The following HMX1 variants were observed in gnomAD, a reference collection of about 807,000 sequenced individuals.
The protein encoded by HMX1 is H6 family homeobox 1, also known as homeobox protein HMX1.
In HMX1, 8 loss-of-function variants were observed where a neutral mutation model predicts 8.9. The observed-to-expected ratio is 0.90, with a 90% CI of 0.53 to 1.63. The LOEUF (loss-of-function observed/expected upper bound fraction) is 1.63. Ranked by LOEUF, HMX1 falls within the 40% of genes most tolerant of loss-of-function variation. The pLI, the probability that HMX1 is intolerant of heterozygous loss-of-function variation, is 0.00. For synonymous variants in HMX1, 311 were observed against 283.4 expected (o/e 1.10, Z -0.98); for missense variants, 621 against 558.5 (o/e 1.11, Z -1.13).
rs537401013 is a variant in HMX1 at position 8,847,948 on chromosome 4, C to T, written c.395-1624G>A. On this transcript the variant is annotated intron_variant, in intron 1 of 1. Transcript: ENST00000506970. This position sits in a 1 kb window ranked among gnomAD's most constrained non-coding sequence, Gnocchi z 6.0. The stretch of plus-strand genomic sequence containing the variant: ...CCCTATACTCCAGGCTTTACGGTAA[C>T]TGGAACAGGCTCCGACTCCCTGGAG... 5.9e-5 allele frequency among the ~76,000 whole-genome samples: 9 copies of T among 152,282 alleles called. No individual in the cohort carries two copies. The South Asian group carries it at 1.2e-3, about 21-fold the overall frequency.
At chr4:8,846,141 C>T (rs562712085) in exon 2 of HMX1, 158 of 838,926 alleles carry the variant, frequency 1.9e-4, no homozygotes, top group African/African-American at 1.8e-3. Context: ...CACTGCTCCA[C>T]GCGGTCACTC....
rs918902212 is a variant in HMX1, at chr4:8,847,002, A to G, written c.395-678T>C. On this transcript the variant is annotated intron_variant, in intron 1 of 1. Transcript: ENST00000506970. This position sits in a 1 kb window ranked among gnomAD's most constrained non-coding sequence, Gnocchi z 6.0. The stretch of plus-strand genomic sequence containing the variant: ...TAGGGGTTCCCTGTGTGCAAAAGTG[A>G]CATGGGACACGGAAATGACTATGAC... Among the ~76,000 whole-genome samples, 3 of 152,214 alleles carry G rather than the reference A, an allele frequency of 2.0e-5. No homozygotes were observed. Among genetic ancestry groups the G allele is most frequent in the Non-Finnish European group, 4.4e-5 (3 of 68,044 alleles).
downstream of HMX1, among the ~76,000 whole-genome samples, chr4:8,865,799 A>G (rs760925675): frequency 6.6e-6 from 1 of 152,138 alleles, no homozygotes; most frequent in Non-Finnish European, 1.5e-5. Context: ...TCCCTCCCAG[A>G]TGAAACCGAG....
Position 8,853,544 on chromosome 4 carries a change from T to C in HMX1, c.395-7220A>G, listed in dbSNP as rs1027990699. Among the ~76,000 whole-genome samples, 1 of 152,056 alleles carries C rather than the reference T, an allele frequency of 6.6e-6. No individual in the cohort carries two copies. The highest frequency in any genetic ancestry group is 1.5e-5 in the Non-Finnish European group (1 of 68,014). On this transcript the variant is annotated intron_variant, in intron 1 of 1. Transcript: ENST00000506970. This position sits in a 1 kb window ranked among gnomAD's most constrained non-coding sequence, Gnocchi z 4.7. ...CAACTGAAATCCAGAAGGGTTCAAT[T>C]AGTAAAAGGTAAAAGGGGAGAATGC...
At chr4:8,856,153 G>A (rs28607938) in intron 1 of HMX1, among the ~76,000 whole-genome samples, 19,001 of 152,206 alleles carry the variant, frequency 0.12, 1,943 homozygotes, top group East Asian at 0.6. Flanking sequence ...GAGAGGGAGG[G>A]AAGGGCCCTG....
At chr4:8,863,046 C>T (rs535225122), downstream of HMX1, among the ~76,000 whole-genome samples, 3 of 32,662 alleles carry the variant, frequency 9.2e-5, no homozygotes, top group South Asian at 8.5e-4. Context: ...AACGAATTTC[C>T]GGTGGCTGGG....
chr4:8,864,975 GC>G (rs1310921579), downstream of HMX1, among the ~76,000 whole-genome samples: 1 of 150,656 alleles, frequency 6.6e-6, no homozygotes, highest in Non-Finnish European at 1.5e-5. Context: ...ACCCTCTGAT[GC>G]TGGCTGCCAA....
intron 1 of HMX1, among the ~76,000 whole-genome samples, chr4:8,857,319 G>A (rs1577194640): frequency 2.0e-5 from 3 of 152,188 alleles, no homozygotes; most frequent in East Asian, 3.9e-4. Flanking sequence ...CAGTCCTGGA[G>A]GGTCGGGCGG....
At chr4:8,852,290 C>T (rs1721477444) in intron 1 of HMX1, among the ~76,000 whole-genome samples, 1 of 152,252 alleles carries the variant, frequency 6.6e-6, no homozygotes, top group South Asian at 2.1e-4. Context: ...GTCGAACCTG[C>T]TGGAGCCGCC....
intron 1 of HMX1, among the ~76,000 whole-genome samples, chr4:8,856,031 G>T (rs1721599365): frequency 6.6e-6 from 1 of 152,198 alleles, no homozygotes; most frequent in African/African-American, 2.4e-5. Flanking sequence ...AACCAAGGGG[G>T]AAAAGGCCAC....
chr4:8,860,325 C>G (rs543852226), intron 1 of HMX1, among the ~76,000 whole-genome samples: 1 of 152,340 alleles, frequency 6.6e-6, no homozygotes, highest in East Asian at 1.9e-4. Context: ...CGGAGGTGCT[C>G]CGGGTCATGG....
downstream of HMX1, among the ~76,000 whole-genome samples, chr4:8,866,533 C>T (rs1034802646): frequency 4.6e-5 from 7 of 152,248 alleles, no homozygotes; most frequent in African/African-American, 9.6e-5. Flanking sequence ...CATCACCGGC[C>T]GTGAACAGCT....
chr4:8,856,049 G>A lies in HMX1; in HGVS notation c.395-9725C>T, dbSNP rs1032563090. Among the ~76,000 whole-genome samples, 10 of 152,190 alleles carry A rather than the reference G, an allele frequency of 6.6e-5. 1 individual carries two copies. Among genetic ancestry groups the A allele is most frequent in the East Asian group, 1.9e-4 (1 of 5,186 alleles). On this transcript the variant is annotated intron_variant, in intron 1 of 1. Coordinates refer to the HMX1 transcript ENST00000506970. The stretch of plus-strand genomic sequence containing the variant: ...CAAGGGGGAAAAGGCCACTAGTATA[G>A]AACAAACGTGTGCTCATAGTGCACG...
intron 1 of HMX1, among the ~76,000 whole-genome samples, chr4:8,856,611 T>G (rs1373983084): frequency 6.6e-6 from 1 of 152,160 alleles, no homozygotes; most frequent in Non-Finnish European, 1.5e-5. Context: ...GTGTGCACAT[T>G]TATCAAAATT....
intron 1 of HMX1, among the ~76,000 whole-genome samples, chr4:8,861,070 C>A (rs567001868): frequency 1.3e-5 from 2 of 151,998 alleles, no homozygotes; most frequent in African/African-American, 4.8e-5. Context: ...GGTGAAGAGG[C>A]GGGGCCGAGT....
rs1722035643 is a variant in HMX1 at position 8,867,394 on chromosome 4, C to G, written c.*299G>C. On this transcript the variant is annotated 3_prime_UTR_variant, in exon 2 of 2. Transcript: ENST00000400677. ...CCCGGGTGGCCATGGCCGACCGCTC[C>G]TCGCTGAGGCCGGGGGGTGGCCGTG... The G allele has an allele frequency of 9.4e-7, 1 of 1,061,562 alleles. No homozygotes were observed. Among genetic ancestry groups the G allele is most frequent in the East Asian group, 6.7e-5 (1 of 14,974 alleles). The allele number at this position is 1,061,562 out of a possible 1,614,324, so 65.8% of individuals were successfully genotyped here. A position where few individuals can be genotyped will look rare whatever the true frequency, so the allele number is the denominator to read the frequency against.
chr4:8,868,254 C>G lies in HMX1; in HGVS notation c.486G>C (p.Arg162=), dbSNP rs1003828832. The G allele has an allele frequency of 1.4e-6, 2 of 1,445,978 alleles. No homozygotes were observed. The highest frequency in any genetic ancestry group is 1.8e-6 in the Non-Finnish European group (2 of 1,106,590). 89.6% of individuals were successfully genotyped at this position (1,445,978 alleles called of 1,614,324 possible). A position where few individuals can be genotyped will look rare whatever the true frequency, so the allele number is the denominator to read the frequency against. ...PRGPGPGAVQ[R]EAAELAARGP... ...CACGCGCCGCCAGCTCCGCTGCCTCCCGCTGCACCGCTCCCGGCCCGGGGC... is the reference window on the plus strand; with the variant it reads ...CACGCGCCGCCAGCTCCGCTGCCTCGCGCTGCACCGCTCCCGGCCCGGGGC... The change falls in exon 2 of 2, where the codon CGG becomes CGC. Residue 162 remains arginine (R), a synonymous_variant. Transcript: ENST00000400677. This position sits in a 1 kb window ranked among gnomAD's most constrained non-coding sequence, Gnocchi z 4.6.
rs1409177640 is a variant in HMX1, at chr4:8,867,387, A to ACCGCT, written c.*301_*305dup. 2.2e-5 allele frequency: 23 copies of ACCGCT among 1,053,508 alleles called. No individual in the cohort carries two copies. The highest frequency in any genetic ancestry group is 2.3e-5 in the Non-Finnish European group (20 of 875,880). 65.3% of individuals were successfully genotyped at this position (1,053,508 alleles called of 1,614,324 possible). A position where few individuals can be genotyped will look rare whatever the true frequency, so the allele number is the denominator to read the frequency against. On this transcript the variant is annotated 3_prime_UTR_variant, in exon 2 of 2. Coordinates refer to ENST00000400677, the MANE Select transcript of HMX1 (RefSeq NM_018942.3). ...CAGCTGCCCCGGGTGGCCATGGCCG[A>ACCGCT]CCGCTCCTCGCTGAGGCCGGGGGGT...
chr4:8,859,417 G>A (rs370351335), intron 1 of HMX1, among the ~76,000 whole-genome samples: 41 of 152,274 alleles, frequency 2.7e-4, no homozygotes, highest in African/African-American at 9.1e-4. Context: ...AAAGGCCCGC[G>A]GGACTTAGAA....
Sources: allele counts gnomAD v4.1 joint callset (sites outside exome capture counted in the v4.1 genomes callset), GRCh38; gene constraint gnomAD v4.1.1; non-coding constraint Gnocchi (gnomAD v3.1); transcripts MANE v1.5; gene names NCBI Gene and HGNC (gene_info 2026-07-23, HGNC 2026-07-21).